The following TSNARE1 variants were observed in gnomAD, a reference collection of about 807,000 sequenced individuals.
TSNARE1 encodes the protein t-SNARE domain containing 1.
In TSNARE1, 49 loss-of-function variants were observed where a neutral mutation model predicts 62.0. The observed-to-expected ratio is 0.79, with a 90% CI of 0.63 to 1.00. The LOEUF (loss-of-function observed/expected upper bound fraction) is 1.00, where lower values mean the gene tolerates loss of function less well. Ranked by LOEUF, TSNARE1 falls within the 50% of genes least tolerant of loss-of-function variation. The pLI is 0.00. For missense variants in TSNARE1, 755 were observed against 700.1 expected, an observed-to-expected ratio of 1.08 and a Z score of -0.88; for synonymous variants, 328 against 294.4, an observed-to-expected ratio of 1.11 and a Z score of -1.17.
rs1829185264 is a variant in TSNARE1, at chr8:142,319,744, C to A, written c.894-1110G>T. Among the ~76,000 whole-genome samples the A allele has an allele frequency of 2.0e-5, 3 of 152,162 alleles. No individual in the cohort carries two copies. Among genetic ancestry groups the A allele is most frequent in the Non-Finnish European group, 4.4e-5 (3 of 68,026 alleles). ...CAGGAGCGGGGCCCACCTCCTGATA[C>A]CCACCCTGGGCGGGCAGAGCCTGTG... On this transcript the variant is annotated intron_variant, in intron 6 of 13. Transcript: ENST00000524325. The surrounding 1 kb of genome is among the most constrained non-coding windows in gnomAD (Gnocchi z 4.9).
At position 142,318,564 on chromosome 8, in the gene TSNARE1, G is replaced by C. The variant is rs751785085; in HGVS notation, c.964C>G (p.Leu322Val). 3.1e-6 allele frequency: 5 copies of C among 1,613,454 alleles called. No individual in the cohort carries two copies. The South Asian group carries it at 3.3e-5, about 11-fold the overall frequency. ...SASSVKQMAE[L>V]LRSSCPQERL... is the part of the protein sequence containing the mutation. The stretch of plus-strand genomic sequence containing the variant: ...CATACCGGGCAGGAGCTGCGCAGCA[G>C]CTCGGCCATCTGCTTCACGGAGCTG... The change falls in exon 7 of 14, where the codon CTG (leucine) becomes GTG (valine). Residue 322 changes from leucine (L) to valine (V), a missense_variant. Leu to Val is a conservative substitution (Grantham distance 32). Transcript: ENST00000524325.
chr8:142,262,611 C>G (rs949466492), intron 12 of TSNARE1, among the ~76,000 whole-genome samples: 1 of 152,084 alleles, frequency 6.6e-6, no homozygotes, highest in Non-Finnish European at 1.5e-5. Context: ...AATGCCATCC[C>G]CCTAGTGCTG....
intron 9 of TSNARE1, among the ~76,000 whole-genome samples, chr8:142,304,749 C>T (rs1234081573): frequency 6.6e-6 from 1 of 152,212 alleles, no homozygotes; most frequent in Non-Finnish European, 1.5e-5. Flanking sequence ...CATGAGATGC[C>T]ACCTTCCGGA....
intron 1 of TSNARE1, among the ~76,000 whole-genome samples, chr8:142,398,639 C>T (rs1362360945): frequency 2.6e-5 from 4 of 152,224 alleles, no homozygotes; most frequent in Non-Finnish European, 4.4e-5. Flanking sequence ...AAGGCCAGGA[C>T]AGCCTGATCC....
At position 142,372,923 on chromosome 8, in the gene TSNARE1, A is replaced by G. The variant is rs534024163; in HGVS notation, c.-39-18160T>C. On this transcript the variant is annotated intron_variant, in intron 1 of 13. Coordinates refer to ENST00000524325, the MANE Select transcript of TSNARE1 (RefSeq NM_145003.5). ...TTTCCTTCCCTGCTGTGCCTCTCCC[A>G]GCAGACTCCCACAGGCCTCCTCTGT... Among the ~76,000 whole-genome samples, 47 of 151,374 alleles carry G rather than the reference A, an allele frequency of 3.1e-4. 1 individual carries two copies. The East Asian group carries it at 7.3e-3, about 23-fold the overall frequency.
intron 9 of TSNARE1, among the ~76,000 whole-genome samples, chr8:142,307,660 T>C (rs1259880545): frequency 6.6e-6 from 1 of 152,230 alleles, no homozygotes; most frequent in Non-Finnish European, 1.5e-5. Context: ...CTGCCATCTT[T>C]TAAAAATATT....
At chr8:142,278,292 A>G in intron 11 of TSNARE1, 1 of 985,444 alleles carries the variant, frequency 1.0e-6, no homozygotes, top group Non-Finnish European at 1.2e-6. Context: ...CGCTGTGAGC[A>G]GGAGCAGCTG....
rs531706751 is a variant in TSNARE1, at chr8:142,217,453, GC to G, written c.*12-5141del. Among the ~76,000 whole-genome samples the G allele has an allele frequency of 1.8e-4, 27 of 152,326 alleles. No homozygotes were observed. In the East Asian group the frequency reaches 5.2e-3, roughly 29 times the overall value. On this transcript the variant is annotated intron_variant, in intron 13 of 13. Coordinates refer to ENST00000524325, the MANE Select transcript of TSNARE1 (RefSeq NM_145003.5). ...CACAAGAGGCTTGGGCCCCTCTGCT[GC>G]TGTCCATGGTGCTGAGATCTTGAAT...
intron 1 of TSNARE1, among the ~76,000 whole-genome samples, chr8:142,375,527 G>T (rs542858146): frequency 1.3e-5 from 2 of 152,192 alleles, no homozygotes; most frequent in Non-Finnish European, 2.9e-5. Flanking sequence ...AAGGGGACCC[G>T]CCAGGCAGGC....
chr8:142,334,652 G>A (rs1750423050), intron 4 of TSNARE1, among the ~76,000 whole-genome samples: 1 of 152,184 alleles, frequency 6.6e-6, no homozygotes, highest in Non-Finnish European at 1.5e-5. Flanking sequence ...GTACATTATA[G>A]GCAAACTGCA....
rs367616188 is a variant in TSNARE1, at chr8:142,345,917, G to A, written c.89-25C>T. 58 of 1,605,044 alleles carry A rather than the reference G, an allele frequency of 3.6e-5. No individual in the cohort carries two copies. In the Middle Eastern group the frequency reaches 5.0e-4, roughly 14 times the overall value. The stretch of plus-strand genomic sequence containing the variant: ...TCTACGGACAGCAAGGGACAGTCAC[G>A]ATTACTCTCAGCTCAGGGCGCTCCT... On this transcript the variant is annotated intron_variant, in intron 2 of 13. Transcript: ENST00000524325.
At chr8:142,267,866 C>G (rs1057070347) in intron 12 of TSNARE1, among the ~76,000 whole-genome samples, 1 of 152,232 alleles carries the variant, frequency 6.6e-6, no homozygotes, top group African/African-American at 2.4e-5. Context: ...GAAATCCCAT[C>G]TGGGATAGGT....
chr8:142,277,091 C>T (rs1411449330), intron 11 of TSNARE1: 3 of 985,248 alleles, frequency 3.0e-6, no homozygotes, highest in Non-Finnish European at 3.6e-6. Context: ...CATCAGCCAT[C>T]AGCCCTGGGC....
chr8:142,274,386 G>A, intron 12 of TSNARE1: 3 of 985,462 alleles, frequency 3.0e-6, no homozygotes, highest in Non-Finnish European at 3.6e-6. Flanking sequence ...CTGAGCCACT[G>A]ACCTGCCCCA....
intron 7 of TSNARE1, 59 bp from the exon 8 acceptor site, chr8:142,315,151 C>A: frequency 6.5e-7 from 1 of 1,537,854 alleles, no homozygotes. Context: ...CAGCAGCCCC[C>A]ACCACCCACA....
intron 1 of TSNARE1, among the ~76,000 whole-genome samples, chr8:142,401,581 G>A (rs1313963922): frequency 6.6e-6 from 1 of 152,166 alleles, no homozygotes; most frequent in Admixed American, 6.5e-5. Flanking sequence ...CCTAGGTCTA[G>A]GCTCTTGACC....
chr8:142,264,387 C>T (rs1253471865), intron 12 of TSNARE1, among the ~76,000 whole-genome samples: 1 of 152,154 alleles, frequency 6.6e-6, no homozygotes, highest in Non-Finnish European at 1.5e-5. Context: ...CCGGTTGTAC[C>T]TGAGAAAATG....
chr8:142,338,513 G>A (rs565966884), intron 4 of TSNARE1, among the ~76,000 whole-genome samples: 47 of 151,064 alleles, frequency 3.1e-4, no homozygotes, highest in African/African-American at 9.6e-4. Context: ...AGGCTGCCTC[G>A]ACCACTGGGC....
chr8:142,304,156 C>T (rs1007029331), intron 9 of TSNARE1, among the ~76,000 whole-genome samples: 7 of 152,234 alleles, frequency 4.6e-5, no homozygotes, highest in African/African-American at 7.2e-5. Flanking sequence ...TGTTGACAAG[C>T]GCAACTCGTC....
Sources: allele counts gnomAD v4.1 joint callset (sites outside exome capture counted in the v4.1 genomes callset), GRCh38; gene constraint gnomAD v4.1.1; non-coding constraint Gnocchi (gnomAD v3.1); transcripts MANE v1.5; gene names NCBI Gene and HGNC (gene_info 2026-07-23, HGNC 2026-07-21).